The following MKRN2OS variants were observed in gnomAD, a reference collection of about 807,000 sequenced individuals.
MKRN2OS encodes MKRN2 opposite strand.
In MKRN2OS, 17 loss-of-function variants were observed where a neutral mutation model predicts 18.2. That is an observed-to-expected ratio of 0.93 (90% CI 0.64 to 1.40). The LOEUF is 1.40. Ranked by LOEUF, MKRN2OS falls within the 40% of genes most tolerant of loss-of-function variation. MKRN2OS has a pLI of 0.00. For synonymous variants in MKRN2OS, 121 were observed against 108.5 expected, an observed-to-expected ratio of 1.12 and a Z score of -0.72; for missense variants, 337 against 283.0, an observed-to-expected ratio of 1.19 and a Z score of -1.37.
intron 3 of MKRN2OS, among the ~76,000 whole-genome samples, chr3:12,540,867 G>A (rs2057794763): frequency 8.9e-6 from 1 of 112,414 alleles, no homozygotes; most frequent in Non-Finnish European, 1.7e-5. Flanking sequence ...GAGTGAGTAA[G>A]ACTCCATCTC....
At chr3:12,557,570 C>G (rs1017275021) in intron 1 of MKRN2OS, among the ~76,000 whole-genome samples, 4 of 152,204 alleles carry the variant, frequency 2.6e-5, no homozygotes, top group Admixed American at 1.3e-4. Context: ...ATGGGGATAC[C>G]ACATAGGAGT....
In MKRN2OS at chr3:12,539,879, G is replaced by A. The variant is rs183550790; in HGVS notation, c.*314C>T. 2.0e-4 allele frequency: 61 copies of A among 311,208 alleles called. 1 individual carries two copies. Among genetic ancestry groups the A allele is most frequent in the Middle Eastern group, 1.1e-3 (1 of 936 alleles). 19.3% of individuals were successfully genotyped at this position (311,208 alleles called of 1,614,324 possible). A position where few individuals can be genotyped will look rare whatever the true frequency, so the allele number is the denominator to read the frequency against. ...CAACTCATCCCAACCTCCGCCTCCC[G>A]GGTTCAAGCGATTCTCCTGCTTCAG... On this transcript the variant is annotated 3_prime_UTR_variant, in exon 4 of 4. Coordinates refer to ENST00000564146, the MANE Select transcript of MKRN2OS (RefSeq NM_001195279.2).
intron 1 of MKRN2OS, 60 bp from the exon 2 acceptor site, chr3:12,543,289 A>G: frequency 6.3e-6 from 9 of 1,417,604 alleles, no homozygotes; most frequent in Non-Finnish European, 8.6e-6. Context: ...AAGAATTGGC[A>G]TTTAAAGTAG....
downstream of MKRN2OS, among the ~76,000 whole-genome samples, chr3:12,552,414 ATT>A (rs367692238): frequency 1.2e-4 from 17 of 142,292 alleles, no homozygotes; most frequent in African/African-American, 3.1e-4. Context: ...TTAATTTTTA[ATT>A]TTTTTTTTTT....
chr3:12,550,349 G>A (rs538756115), upstream of MKRN2OS, among the ~76,000 whole-genome samples: 7 of 152,088 alleles, frequency 4.6e-5, no homozygotes, highest in Admixed American at 1.3e-4. Flanking sequence ...GGCTGTATAC[G>A]GTATGACTCC....
chr3:12,550,576 C>T (rs2057922422), downstream of MKRN2OS, among the ~76,000 whole-genome samples: 1 of 152,230 alleles, frequency 6.6e-6, no homozygotes. Flanking sequence ...CCTAGCCAGG[C>T]ACTTGTCCTC....
exon 1 of MKRN2OS, chr3:12,560,776 A>G (rs760930409): frequency 1.3e-5 from 2 of 152,280 alleles, no homozygotes; most frequent in African/African-American, 2.4e-5. Flanking sequence ...GTCTCCAGCT[A>G]TGCACTTCAC....
chr3:12,546,897 C>A (rs554893198), upstream of MKRN2OS, among the ~76,000 whole-genome samples: 2 of 152,234 alleles, frequency 1.3e-5, no homozygotes, highest in Admixed American at 1.3e-4. Context: ...TATTTTGATA[C>A]AGGCATACAA....
intron 3 of MKRN2OS, among the ~76,000 whole-genome samples, chr3:12,541,613 T>G (rs1490215967): frequency 6.6e-6 from 1 of 152,242 alleles, no homozygotes; most frequent in Non-Finnish European, 1.5e-5. Flanking sequence ...AATAACTGAA[T>G]ACAGGTTCTA....
At chr3:12,544,906 A>G (rs1217257710) in intron 1 of MKRN2OS, among the ~76,000 whole-genome samples, 6 of 152,258 alleles carry the variant, frequency 3.9e-5, no homozygotes, top group Non-Finnish European at 8.8e-5. Context: ...CACTGAAACT[A>G]CAAATTAACT....
chr3:12,557,990 C>G (rs1000143842), intron 1 of MKRN2OS, among the ~76,000 whole-genome samples: 1 of 152,192 alleles, frequency 6.6e-6, no homozygotes, highest in Admixed American at 6.5e-5. Context: ...TTGTGGCTTA[C>G]TGGTAATGGA....
At chr3:12,544,345 G>A (rs769394307) in intron 1 of MKRN2OS, among the ~76,000 whole-genome samples, 1 of 152,056 alleles carries the variant, frequency 6.6e-6, no homozygotes, top group Non-Finnish European at 1.5e-5. Context: ...ATGCTGGGCC[G>A]ATCCTAATCC....
chr3:12,552,176 G>A (rs2057934371), downstream of MKRN2OS, among the ~76,000 whole-genome samples: 1 of 151,640 alleles, frequency 6.6e-6, no homozygotes, highest in South Asian at 2.1e-4. Context: ...AAAATTAGCT[G>A]GGCGGGGTGG....
upstream of MKRN2OS, among the ~76,000 whole-genome samples, chr3:12,548,032 G>A (rs1367367692): frequency 2.6e-5 from 4 of 152,122 alleles, no homozygotes; most frequent in South Asian, 2.1e-4. Flanking sequence ...TGGTACGGCC[G>A]GGCGCAGTGG....
chr3:12,540,863 G>A (rs1173678365), intron 3 of MKRN2OS, among the ~76,000 whole-genome samples: 1 of 122,506 alleles, frequency 8.2e-6, no homozygotes, highest in Non-Finnish European at 1.6e-5. Flanking sequence ...GACAGAGTGA[G>A]TAAGACTCCA....
rs1210948937 is a variant in MKRN2OS at position 12,542,015 on chromosome 3, C to T, written c.276G>A (p.Val92=). The T allele has an allele frequency of 3.9e-6, 6 of 1,534,368 alleles. No homozygotes were observed. Among genetic ancestry groups the T allele is most frequent in the Middle Eastern group, 1.7e-4 (1 of 5,986 alleles). The change falls in exon 3 of 4, where the codon GTG becomes GTA. Residue 92 remains valine (V), a synonymous_variant. Transcript: ENST00000564146. ...GGACACCATGTGCACTGTAATTATA[C>T]ACAACCCCTGCAAATCAAAACCAAA... ...HVGITNTNGV[V]YNYSAHGVQR... is the part of the protein sequence containing the mutation.
rs544040824 is a variant in MKRN2OS at position 12,541,459 on chromosome 3, T to C, written c.431+401A>G. ...GTCTCGAACTTCTGACCTCAGGTGA[T>C]CTACCTGCCTCAGTCTCCCAAAGTG... On this transcript the variant is annotated intron_variant, in intron 3 of 3. Transcript: ENST00000564146. Among the ~76,000 whole-genome samples, 16 of 152,316 alleles carry C rather than the reference T, an allele frequency of 1.1e-4. No homozygotes were observed. In the East Asian group the frequency reaches 3.1e-3, roughly 29 times the overall value.
At position 12,540,467 on chromosome 3, in the gene MKRN2OS, A is replaced by G. The variant is rs1012296056; in HGVS notation, c.432-34T>C. On this transcript the variant is annotated intron_variant, in intron 3 of 3. Coordinates refer to ENST00000564146, the MANE Select transcript of MKRN2OS (RefSeq NM_001195279.2). ...GGAGAATAAGGGTGTTGAGAAGAAAAGGCTGCTCAGAACAGGCTGTCAAGC... is the reference window on the plus strand; with the variant it reads ...GGAGAATAAGGGTGTTGAGAAGAAAGGGCTGCTCAGAACAGGCTGTCAAGC... 7 of 1,535,446 alleles carry G rather than the reference A, an allele frequency of 4.6e-6. No homozygotes were observed. In the African/African-American group the frequency reaches 6.8e-5, roughly 15 times the overall value.
At chr3:12,553,433 C>CA (rs934277696), downstream of MKRN2OS, among the ~76,000 whole-genome samples, 51 of 142,114 alleles carry the variant, frequency 3.6e-4, no homozygotes, top group Non-Finnish European at 5.1e-4. Context: ...TCAATACATG[C>CA]AAAAAAAAAA....
Sources: gnomAD v4.1 joint callset for allele counts (sites outside exome capture counted in the v4.1 genomes callset) on GRCh38, gnomAD v4.1.1 for gene constraint, MANE v1.5 for transcripts, NCBI Gene and HGNC (gene_info 2026-07-23, HGNC 2026-07-21) for gene names.